The following TENM3 variants were observed in gnomAD, a reference collection of about 807,000 sequenced individuals.
The protein encoded by TENM3 is teneurin transmembrane protein 3.
TENM3 carries 63 observed loss-of-function variants against 255.1 expected under a neutral mutation model. The ratio of observed to expected loss-of-function variants is 0.25; its 90% CI spans 0.20 to 0.30. The LOEUF (loss-of-function observed/expected upper bound fraction) is 0.30, where lower values mean the gene tolerates loss of function less well. Ranked by LOEUF, TENM3 falls within the 10% of genes least tolerant of loss-of-function variation. The pLI is 1.00. For missense variants in TENM3, 2,929 were observed against 3,461.1 expected, an observed-to-expected ratio of 0.85 and a Z score of 3.86; for synonymous variants, 1,306 against 1,322.3, an observed-to-expected ratio of 0.99 and a Z score of 0.27.
chr4:182,681,757 C>T, intron 10 of TENM3, 57 bp from the exon 11 acceptor site: 1 of 1,228,374 alleles, frequency 8.1e-7, no homozygotes, highest in Admixed American at 2.5e-5. Context: ...ATTCTTTTTT[C>T]TGCATGCACT....
chr4:182,569,858 T>A (rs909840228), intron 3 of TENM3, among the ~76,000 whole-genome samples: 1 of 144,704 alleles, frequency 6.9e-6, no homozygotes, highest in Non-Finnish European at 1.5e-5. Context: ...GGCATTCATG[T>A]CTTTCTGGAA....
At chr4:181,874,097 T>C in the TENM3 span, among the ~76,000 whole-genome samples, 1 of 151,966 alleles carries the variant, frequency 6.6e-6, no homozygotes, top group Admixed American at 6.6e-5. Flanking sequence ...TTTTGTATTT[T>C]TATTAGAGAT....
chr4:182,473,469 C>T (rs577184064), intron 3 of TENM3, among the ~76,000 whole-genome samples: 63 of 152,086 alleles, frequency 4.1e-4, no homozygotes, highest in African/African-American at 9.4e-4. Context: ...GTCAGGAGAT[C>T]GAGACCATGC....
chr4:181,963,605 A>T, the TENM3 span, among the ~76,000 whole-genome samples: 8 of 152,194 alleles, frequency 5.3e-5, no homozygotes, highest in African/African-American at 1.9e-4. Context: ...TATGAGGAAC[A>T]TGTTGGCCTC....
At chr4:181,613,001 G>A in the TENM3 span, among the ~76,000 whole-genome samples, 1 of 152,070 alleles carries the variant, frequency 6.6e-6, no homozygotes, top group Non-Finnish European at 1.5e-5. Context: ...TCTCTACATG[G>A]CAACTTTTAA....
the TENM3 span, among the ~76,000 whole-genome samples, chr4:181,618,229 A>G: frequency 6.6e-6 from 1 of 152,176 alleles, no homozygotes; most frequent in African/African-American, 2.4e-5. Context: ...CAATTTATCA[A>G]CATCGATGAC....
chr4:181,807,722 A>G, the TENM3 span, among the ~76,000 whole-genome samples: 39 of 152,220 alleles, frequency 2.6e-4, no homozygotes, highest in African/African-American at 8.9e-4. Flanking sequence ...TCAAAAGAAC[A>G]TTATTGGGAA....
At chr4:181,810,414 C>T in the TENM3 span, among the ~76,000 whole-genome samples, 1 of 152,036 alleles carries the variant, frequency 6.6e-6, no homozygotes, top group Admixed American at 6.6e-5. Context: ...AGTCCCCTTT[C>T]CTCTCTGTTT....
chr4:182,744,349 C>T (rs984508564), intron 19 of TENM3, among the ~76,000 whole-genome samples: 2 of 151,882 alleles, frequency 1.3e-5, no homozygotes, highest in Admixed American at 6.6e-5. Context: ...GAGTTATTTA[C>T]GTGATATAAT....
intron 1 of TENM3, among the ~76,000 whole-genome samples, chr4:182,223,707 T>C (rs1320373835): frequency 2.0e-5 from 3 of 150,918 alleles, no homozygotes; most frequent in Non-Finnish European, 4.4e-5. Flanking sequence ...GTTTCTGTAA[T>C]ATTGAGTGTG....
intron 1 of TENM3, among the ~76,000 whole-genome samples, chr4:182,264,440 G>A (rs1759097250): frequency 6.6e-6 from 1 of 152,220 alleles, no homozygotes; most frequent in Non-Finnish European, 1.5e-5. Context: ...CAGGGAACAG[G>A]AATTTGAGGG....
Position 182,355,906 on chromosome 4 carries a change from A to G in TENM3, c.511+8977A>G, listed in dbSNP as rs193176890. Among the ~76,000 whole-genome samples the G allele has an allele frequency of 1.2e-3, 182 of 148,924 alleles. 1 individual carries two copies. Among genetic ancestry groups the G allele is most frequent in the African/African-American group, 4.4e-3 (178 of 40,744 alleles). On this transcript the variant is annotated intron_variant, in intron 3 of 27. Coordinates refer to ENST00000511685, the MANE Select transcript of TENM3 (RefSeq NM_001080477.4). ...TCAGTAATTTATTAGCCAATTATAT[A>G]TATATTATATATATATATATGAAAT...
chr4:182,228,890 T>C (rs1426212763), intron 1 of TENM3, among the ~76,000 whole-genome samples: 3 of 152,136 alleles, frequency 2.0e-5, no homozygotes, highest in African/African-American at 7.2e-5. Context: ...AGCACAAAGG[T>C]ACTGACATCT....
chr4:181,456,331 C>T, the TENM3 span, among the ~76,000 whole-genome samples: 1 of 151,846 alleles, frequency 6.6e-6, no homozygotes, highest in Non-Finnish European at 1.5e-5. Context: ...CTAGAGAGCC[C>T]TGGACCATTA....
At chr4:181,944,298 A>T in the TENM3 span, among the ~76,000 whole-genome samples, 3 of 151,980 alleles carry the variant, frequency 2.0e-5, no homozygotes, top group Non-Finnish European at 4.4e-5. Context: ...AGTCCTGAGA[A>T]CCTGGAGCTC....
the TENM3 span, among the ~76,000 whole-genome samples, chr4:181,520,089 T>A: frequency 6.6e-6 from 1 of 152,208 alleles, no homozygotes. Flanking sequence ...AGCATTAAGC[T>A]TTTCTACAAG....
the TENM3 span, among the ~76,000 whole-genome samples, chr4:182,083,612 C>T: frequency 6.6e-6 from 1 of 152,010 alleles, no homozygotes; most frequent in Admixed American, 6.6e-5. Flanking sequence ...GAGATGCAAA[C>T]GACAGAAATT....
the TENM3 span, among the ~76,000 whole-genome samples, chr4:181,585,821 A>G: frequency 6.6e-6 from 1 of 152,094 alleles, no homozygotes; most frequent in Non-Finnish European, 1.5e-5. Flanking sequence ...CTTCCTCCAT[A>G]TACTTTTCTT....
At chr4:181,715,037 T>G in the TENM3 span, among the ~76,000 whole-genome samples, 3,242 of 152,286 alleles carry the variant, frequency 0.021, 118 homozygotes, top group African/African-American at 0.074. Context: ...CATATTCCAG[T>G]GGGAAAAAGA....
Sources: gnomAD v4.1 joint callset for allele counts (sites outside exome capture counted in the v4.1 genomes callset) on GRCh38, gnomAD v4.1.1 for gene constraint, MANE v1.5 for transcripts, NCBI Gene and HGNC (gene_info 2026-07-23, HGNC 2026-07-21) for gene names.